OPRM1: variants seen among roughly 807,000 people sequenced by gnomAD.
OPRM1 encodes opioid receptor mu 1.
A neutral mutation model predicts 31.8 loss-of-function variants in OPRM1; 27 were observed. The ratio of observed to expected loss-of-function variants is 0.85; its 90% CI spans 0.63 to 1.17. OPRM1 has a LOEUF of 1.17. Among genes scored for constraint, OPRM1 ranks in the 50% most tolerant of loss-of-function variants. The pLI is 0.00. For synonymous variants in OPRM1, 196 were observed against 189.9 expected (o/e 1.03, Z -0.26); for missense variants, 536 against 511.1 (o/e 1.05, Z -0.47).
At position 154,238,562 on chromosome 6, in the gene OPRM1, G is replaced by A. The variant is rs540461752; in HGVS notation, c.1165-8131G>A. On this transcript the variant is annotated intron_variant, in intron 3 of 3. Transcript: ENST00000337049. The stretch of plus-strand genomic sequence containing the variant: ...ATCATAGGCATGAGCCACTACACCC[G>A]GCCAAGCCTGTATGATCTTAATTCA... Among the ~76,000 whole-genome samples, 16 of 152,220 alleles carry A rather than the reference G, an allele frequency of 1.1e-4. No individual in the cohort carries two copies. The South Asian group carries it at 2.1e-3, about 20-fold the overall frequency.
Position 154,224,083 on chromosome 6 carries a change from T to G in OPRM1, c.1165-22610T>G, listed in dbSNP as rs544408880. Among the ~76,000 whole-genome samples the G allele has an allele frequency of 9.9e-5, 15 of 151,942 alleles. No homozygotes were observed. In the South Asian group the frequency reaches 3.1e-3, roughly 32 times the overall value. The stretch of plus-strand genomic sequence containing the variant: ...TTCGTCACCCATAGAACTCAAATCT[T>G]CTTTCATCTACACTGGTGTCTCTGA... On this transcript the variant is annotated intron_variant, in intron 3 of 3. Coordinates refer to the OPRM1 transcript ENST00000337049.
At chr6:154,231,977 T>G (rs1279859939) in intron 3 of OPRM1, among the ~76,000 whole-genome samples, 1 of 152,220 alleles carries the variant, frequency 6.6e-6, no homozygotes. Flanking sequence ...CTATACGTAT[T>G]TCATGGCAAA....
Position 154,123,488 on chromosome 6 carries a change from CCTAA to C in OPRM1, c.*4770_*4773del, listed in dbSNP as rs1391515222. On this transcript the variant is annotated 3_prime_UTR_variant, in exon 4 of 4. Coordinates refer to ENST00000330432, the MANE Select transcript of OPRM1 (RefSeq NM_000914.5). ...TCCGAGGACTAGTCTTAGCTGTTTA[CCTAA>C]CTGATTGGTCCTTTTCTTCTCCCTG... Among the ~76,000 whole-genome samples, 1 of 152,116 alleles carries C rather than the reference CCTAA, an allele frequency of 6.6e-6. No homozygotes were observed. The highest frequency in any genetic ancestry group is 2.4e-5 in the African/African-American group (1 of 41,418).
Position 154,091,328 on chromosome 6 carries a change from T to C in OPRM1, c.1020T>C (p.Phe340=). The C allele has an allele frequency of 6.2e-7, 1 of 1,614,202 alleles. No individual in the cohort carries two copies. The highest frequency in any genetic ancestry group is 8.5e-7 in the Non-Finnish European group (1 of 1,180,038). ...NSCLNPVLYA[F]LDENFKRCFR... is the part of the protein sequence containing the mutation. Reference sequence around the variant, plus strand: ...GCCTCAACCCAGTCCTTTATGCATTTCTGGATGAAAACTTCAAACGATGCT... The same window carrying C: ...GCCTCAACCCAGTCCTTTATGCATTCCTGGATGAAAACTTCAAACGATGCT... Residue 340 remains phenylalanine (F), a synonymous_variant, in exon 3 of 4, where the codon TTT becomes TTC. Coordinates refer to ENST00000330432, the MANE Select transcript of OPRM1 (RefSeq NM_000914.5).
In OPRM1 at chr6:154,122,725, G is replaced by C. The variant is rs1797371558; in HGVS notation, c.*4004G>C. ...GTGTGTGGCAAATGTTCAACCTTTTGTTATGCAATATCACCCATATCAAAT... is the reference window on the plus strand; with the variant it reads ...GTGTGTGGCAAATGTTCAACCTTTTCTTATGCAATATCACCCATATCAAAT... On this transcript the variant is annotated 3_prime_UTR_variant, in exon 4 of 4. Transcript: ENST00000330432. Among the ~76,000 whole-genome samples, 1 of 152,122 alleles carries C rather than the reference G, an allele frequency of 6.6e-6. No individual in the cohort carries two copies. The highest frequency in any genetic ancestry group is 1.5e-5 in the Non-Finnish European group (1 of 68,020).
chr6:154,145,811 A>G (rs1798344950), intron 3 of OPRM1, among the ~76,000 whole-genome samples: 1 of 152,218 alleles, frequency 6.6e-6, no homozygotes, highest in South Asian at 2.1e-4. Flanking sequence ...GAGATAGAAA[A>G]CCCAGAAATA....
At chr6:154,053,398 A>G (rs983628626) in intron 1 of OPRM1, among the ~76,000 whole-genome samples, 2 of 152,218 alleles carry the variant, frequency 1.3e-5, no homozygotes, top group Non-Finnish European at 2.9e-5. Flanking sequence ...GCCATTTCAA[A>G]CATAAAAGCT....
chr6:154,099,284 AAAGG>A (rs1161451260), intron 3 of OPRM1, among the ~76,000 whole-genome samples: 2 of 45,068 alleles, frequency 4.4e-5, no homozygotes, highest in Admixed American at 3.0e-4. Context: ...GAGTCTGTCG[AAAGG>A]AAGGAAGGAA....
Position 154,160,008 on chromosome 6 carries a change from C to T in OPRM1, c.1164+68536C>T. The T allele has an allele frequency of 1.9e-6, 3 of 1,612,414 alleles. No homozygotes were observed. In the South Asian group the frequency reaches 3.3e-5, roughly 18 times the overall value. On this transcript the variant is annotated intron_variant, in intron 3 of 3. Coordinates refer to the OPRM1 transcript ENST00000337049. ...CTGTCAGCTTCGGGTCATCCAGCAACTGGTTAATCATGGCCAGATCATGTT... is the reference window on the plus strand; with the variant it reads ...CTGTCAGCTTCGGGTCATCCAGCAATTGGTTAATCATGGCCAGATCATGTT...
intron 1 of OPRM1, among the ~76,000 whole-genome samples, chr6:154,041,314 C>A (rs1274461809): frequency 6.6e-6 from 1 of 151,960 alleles, no homozygotes; most frequent in Non-Finnish European, 1.5e-5. Context: ...GCAAGAAGAT[C>A]GATGGAAGTA....
chr6:154,223,317 T>A, intron 3 of OPRM1: 1 of 1,115,096 alleles, frequency 9.0e-7, no homozygotes, highest in East Asian at 2.5e-5. Context: ...ATCATATACA[T>A]GGAATAGGGA....
intron 3 of OPRM1, among the ~76,000 whole-genome samples, chr6:154,207,348 G>C (rs1384932017): frequency 6.6e-6 from 1 of 152,174 alleles, no homozygotes; most frequent in Non-Finnish European, 1.5e-5. Context: ...TGAGGAGAAA[G>C]GGTGAATTTT....
intron 3 of OPRM1, among the ~76,000 whole-genome samples, chr6:154,097,565 A>C (rs979846165): frequency 4.7e-5 from 7 of 149,464 alleles, no homozygotes; most frequent in African/African-American, 1.7e-4. Flanking sequence ...TCAGTTCTAC[A>C]GTTTAAAAAG....
intron 2 of OPRM1, 32 bp downstream of exon 2, chr6:154,090,210 G>C (rs1183124089): frequency 1.4e-6 from 2 of 1,447,548 alleles, no homozygotes; most frequent in Non-Finnish European, 1.9e-6. Flanking sequence ...AGGGAAGGAG[G>C]GTTCACAGCC....
intron 3 of OPRM1, among the ~76,000 whole-genome samples, chr6:154,152,173 A>C (rs1391309715): frequency 2.1e-5 from 3 of 144,122 alleles, no homozygotes; most frequent in African/African-American, 8.5e-5. Flanking sequence ...TTGAAAACAA[A>C]AAAAAAAAAG....
At chr6:154,217,571 A>T (rs186850747) in intron 3 of OPRM1, 13 of 152,288 alleles carry the variant, frequency 8.5e-5, no homozygotes, top group Non-Finnish European at 1.8e-4. Flanking sequence ...AGGGTAGTTG[A>T]ATTAGAAAGT....
Position 154,122,351 on chromosome 6 carries a change from G to A in OPRM1, c.*3630G>A, listed in dbSNP as rs1797354459. Among the ~76,000 whole-genome samples, 1 of 152,120 alleles carries A rather than the reference G, an allele frequency of 6.6e-6. No homozygotes were observed. Among genetic ancestry groups the A allele is most frequent in the South Asian group, 2.1e-4 (1 of 4,834 alleles). ...ATAAGTCTTTACTCACAGGCCTATT[G>A]CTTGGTTTCAGAAGAGTGAGAACAT... is the stretch of plus-strand genomic sequence containing the variant. On this transcript the variant is annotated 3_prime_UTR_variant, in exon 4 of 4. Coordinates refer to ENST00000330432, the MANE Select transcript of OPRM1 (RefSeq NM_000914.5).
intron 3 of OPRM1, chr6:154,094,294 G>A (rs1237426512): frequency 1.8e-6 from 2 of 1,125,624 alleles, no homozygotes; most frequent in Non-Finnish European, 2.4e-6. Context: ...GCGCAAAGTG[G>A]AGTGGCGATT....
rs1196349779 is a variant in OPRM1 at position 154,129,486 on chromosome 6, TTCTC to T, written c.*10768_*10771del. On this transcript the variant is annotated 3_prime_UTR_variant, in exon 4 of 4. Coordinates refer to ENST00000330432, the MANE Select transcript of OPRM1 (RefSeq NM_000914.5). ...AATATAAAACAATGTGAGAGGGTCT[TTCTC>T]TCCTCTCAATGTCAACATCATATAT... 5.9e-5 allele frequency among the ~76,000 whole-genome samples: 9 copies of T among 152,290 alleles called. No homozygotes were observed. The highest frequency in any genetic ancestry group is 1.2e-4 in the Non-Finnish European group (8 of 68,024).
Sources: allele counts gnomAD v4.1 joint callset (sites outside exome capture counted in the v4.1 genomes callset), GRCh38; gene constraint gnomAD v4.1.1; transcripts MANE v1.5; gene names NCBI Gene and HGNC (gene_info 2026-07-23, HGNC 2026-07-21).